Variants in DLG3 observed in about 807,000 individuals in gnomAD.
DLG3 encodes discs large MAGUK scaffold protein 3, also known as disks large homolog 3.
Under a neutral mutation model 64.1 loss-of-function variants are expected in DLG3, and 1 was observed. The ratio of observed to expected loss-of-function variants is 0.02; its 90% CI spans 0.01 to 0.07. The LOEUF (loss-of-function observed/expected upper bound fraction) is 0.07, where lower values mean the gene tolerates loss of function less well. DLG3 is among the 10% of genes least tolerant of loss of function. The probability of loss-of-function intolerance (pLI) is 1.00; values close to 1 mark genes in which losing one functional copy is unlikely to be tolerated. For synonymous variants in DLG3, 245 were observed against 259.8 expected, an observed-to-expected ratio of 0.94 and a Z score of 0.55; for missense variants, 429 against 669.5, an observed-to-expected ratio of 0.64 and a Z score of 3.96.
At position 70,451,900 on chromosome X, in the gene DLG3, A is replaced by T; in HGVS notation, c.1019A>T (p.His340Leu). 8.3e-7 allele frequency: 1 copy of T among 1,211,464 alleles called. No homozygotes were observed. The highest frequency in any genetic ancestry group is 1.1e-6 in the Non-Finnish European group (1 of 895,435). Residue 340 changes from histidine (H) to leucine (L), a missense_variant, in exon 7 of 19, where the codon CAT becomes CTT. By Grantham distance (99) the His-to-Leu change is moderately conservative (BLOSUM62 -3). This residue lies in a region of DLG3 where 54 missense variants were observed against 54.4 expected (regional missense o/e 0.99). Transcript: ENST00000374360. ...FTALADNHIS[H>L]NSSLGYLGAV... ...GCCTTGGCTGACAACCACATAAGCC[A>T]TAATTCCAGCCTGGGTTATCTCGGG...
At chrX:70,482,379 T>C (rs963072367) in intron 10 of DLG3, among the ~76,000 whole-genome samples, 5 of 112,301 alleles carry the variant, frequency 4.5e-5, no homozygotes, top group African/African-American at 1.3e-4. Flanking sequence ...ATCAAGACCT[T>C]TGTTATTCTC....
In DLG3 at chrX:70,446,825, G is replaced by A. The variant is rs768503483; in HGVS notation, c.357+1267G>A. Among the ~76,000 whole-genome samples, 13 of 112,356 alleles carry A rather than the reference G, an allele frequency of 1.2e-4. No homozygotes were observed. The South Asian group carries it at 4.4e-3, about 38-fold the overall frequency. On this transcript the variant is annotated intron_variant, in intron 1 of 18. Coordinates refer to ENST00000374360, the MANE Select transcript of DLG3 (RefSeq NM_021120.4). ...GAGAGGAAGAGGAGGCTTTGCTGTC[G>A]AGGGCAGGTGATGACTTCCCCAAGC...
At chrX:70,454,999 G>C in intron 9 of DLG3, 1 of 751,454 alleles carries the variant, frequency 1.3e-6, no homozygotes, top group Non-Finnish European at 1.6e-6. Flanking sequence ...CCTAGCCTGC[G>C]GGCCAGTGGA....
In DLG3 at chrX:70,493,546, T is replaced by G. The variant is rs771981061; in HGVS notation, c.1773+950T>G. On this transcript the variant is annotated intron_variant, in intron 12 of 18. Coordinates refer to ENST00000374360, the MANE Select transcript of DLG3 (RefSeq NM_021120.4). ...CCTCTCATCCTCAGTTGCCCTTCCCTCGAGAGAAGCCTGGGCAGGGCCACG... is the reference window on the plus strand; with the variant it reads ...CCTCTCATCCTCAGTTGCCCTTCCCGCGAGAGAAGCCTGGGCAGGGCCACG... 37 of 972,026 alleles carry G rather than the reference T, an allele frequency of 3.8e-5. No homozygotes were observed. The South Asian group carries it at 7.4e-4, about 19-fold the overall frequency. The allele number at this position is 972,026 out of a possible 1,213,427, so 80.1% of individuals were successfully genotyped here. A position where few individuals can be genotyped will look rare whatever the true frequency, so the allele number is the denominator to read the frequency against.
At chrX:70,454,461 C>A in intron 9 of DLG3, 145 bp downstream of exon 9, 3 of 541,694 alleles carry the variant, frequency 5.5e-6, no homozygotes, top group Non-Finnish European at 9.5e-6. Flanking sequence ...CCTTTTCCTG[C>A]TGGGTAGGGG....
intron 13 of DLG3, among the ~76,000 whole-genome samples, chrX:70,495,814 T>A (rs1328590038): frequency 1.8e-5 from 2 of 111,760 alleles, no homozygotes; most frequent in Non-Finnish European, 3.8e-5. Flanking sequence ...GCTGGTTGGA[T>A]TCTTCTCCCA....
chrX:70,493,344 TCC>T (rs1312684782), intron 12 of DLG3: 3 of 1,134,299 alleles, frequency 2.6e-6, no homozygotes, highest in Admixed American at 2.2e-5. Flanking sequence ...TTTTCTTCTG[TCC>T]TTCCCCTCCA....
chrX:70,497,920 A>G (rs1455360649), intron 13 of DLG3, among the ~76,000 whole-genome samples: 1 of 111,836 alleles, frequency 8.9e-6, no homozygotes, highest in African/African-American at 3.3e-5. Flanking sequence ...TGTTTTAGGA[A>G]AACCTCAACA....
chrX:70,461,574 CT>C (rs66468617), intron 9 of DLG3, among the ~76,000 whole-genome samples: 16,227 of 100,659 alleles, frequency 0.16, 1,135 homozygotes, highest in Non-Finnish European at 0.2. Flanking sequence ...AGGGCCCCCC[CT>C]TTTTTTTTTT....
At chrX:70,449,662 T>A (rs1175159831) in intron 3 of DLG3, 28 bp from the exon 4 acceptor site, 1 of 1,205,552 alleles carries the variant, frequency 8.3e-7, no homozygotes, top group East Asian at 3.0e-5. Context: ...AGGGGCACAG[T>A]GTCATGCCTC....
At chrX:70,493,039 A>G (rs2087387066) in intron 12 of DLG3, among the ~76,000 whole-genome samples, 1 of 111,700 alleles carries the variant, frequency 9.0e-6, no homozygotes, top group African/African-American at 3.3e-5. Flanking sequence ...GGAGCAGTAG[A>G]GGGAAGAGAG....
intron 9 of DLG3, among the ~76,000 whole-genome samples, chrX:70,460,408 G>T (rs1476162109): frequency 8.9e-6 from 1 of 111,907 alleles, no homozygotes; most frequent in Non-Finnish European, 1.9e-5. Flanking sequence ...CCCTTCTCAG[G>T]CAGAAGGAAA....
Position 70,448,366 on chromosome X carries a change from C to T in DLG3, c.358-547C>T, listed in dbSNP as rs2086587074. On this transcript the variant is annotated intron_variant, in intron 1 of 18. Coordinates refer to ENST00000374360, the MANE Select transcript of DLG3 (RefSeq NM_021120.4). ...GGCACATCCCATGTCTTCTCTGGGC[C>T]TCCGTGTCACCTACTGTCACATAAA... 2.7e-5 allele frequency among the ~76,000 whole-genome samples: 3 copies of T among 112,374 alleles called. No individual in the cohort carries two copies. The South Asian group carries it at 1.1e-3, about 42-fold the overall frequency.
At chrX:70,465,862 C>T (rs2086876048) in intron 9 of DLG3, among the ~76,000 whole-genome samples, 1 of 111,694 alleles carries the variant, frequency 9.0e-6, no homozygotes, top group Admixed American at 9.6e-5. Flanking sequence ...TGCCATAATT[C>T]GTATAACCAT....
At chrX:70,476,588 T>G (rs1392207913) in intron 9 of DLG3, among the ~76,000 whole-genome samples, 1 of 112,455 alleles carries the variant, frequency 8.9e-6, no homozygotes, top group Non-Finnish European at 1.9e-5. Context: ...ATCAGCCGCC[T>G]ATTGTGGGTT....
At chrX:70,450,371 C>G (rs1602867892) in intron 5 of DLG3, 66 bp downstream of exon 5, 10 of 1,126,086 alleles carry the variant, frequency 8.9e-6, no homozygotes, top group Middle Eastern at 2.4e-4. Flanking sequence ...GTACCCCTTA[C>G]TCCGCCTAAA....
Position 70,445,216 on chromosome X carries a change from G to A in DLG3, c.15G>A (p.Gln5=), listed in dbSNP as rs1366060973. MHKH[Q]HCCKCPECYE... ...GGGGCAGTGCCATGCACAAGCACCA[G>A]CACTGCTGTAAGTGCCCTGAGTGCT... Residue 5 remains glutamine (Q), a synonymous_variant, in exon 1 of 19, where the codon CAG becomes CAA. Transcript: ENST00000374360. 1 of 1,162,011 alleles carries A rather than the reference G, an allele frequency of 8.6e-7. No individual in the cohort carries two copies. The highest frequency in any genetic ancestry group is 3.2e-5 in the East Asian group (1 of 31,023).
At position 70,503,363 on chromosome X, in the gene DLG3, A is replaced by T. The variant is rs763789487; in HGVS notation, c.*1094A>T. The stretch of plus-strand genomic sequence containing the variant: ...CAATTTGCCAAGGTTCTAAAGGCTT[A>T]TGAGGTCCTGAAGGAGCCAGGCCTT... On this transcript the variant is annotated 3_prime_UTR_variant, in exon 19 of 19. Coordinates refer to ENST00000374360, the MANE Select transcript of DLG3 (RefSeq NM_021120.4). The T allele has an allele frequency of 9.8e-5, 11 of 112,671 alleles. No homozygotes were observed. Among genetic ancestry groups the T allele is most frequent in the African/African-American group, 2.9e-4 (9 of 30,977 alleles). The allele number at this position is 112,671 out of a possible 1,213,427, so 9.3% of individuals were successfully genotyped here.
At chrX:70,465,670 T>C (rs1287502952) in intron 9 of DLG3, among the ~76,000 whole-genome samples, 1 of 112,104 alleles carries the variant, frequency 8.9e-6, no homozygotes. Flanking sequence ...TAAACTTTTA[T>C]ATATTTATAT....
Sources: gnomAD v4.1 joint callset for allele counts (sites outside exome capture counted in the v4.1 genomes callset) on GRCh38, gnomAD v4.1.1 for gene constraint, gnomAD v4.1.1 regional missense constraint, MANE v1.5 for transcripts, NCBI Gene and HGNC (gene_info 2026-07-23, HGNC 2026-07-21) for gene names.